PTPRD: variants seen among roughly 807,000 people sequenced by gnomAD.
PTPRD encodes the protein protein tyrosine phosphatase receptor type D, also known as receptor-type tyrosine-protein phosphatase delta.
In PTPRD, 34 loss-of-function variants were observed where a neutral mutation model predicts 214.5. The ratio of observed to expected loss-of-function variants is 0.16; its 90% CI spans 0.12 to 0.21. The LOEUF is 0.21. Among genes scored for constraint, PTPRD ranks in the 10% least tolerant of loss-of-function variants. The probability of loss-of-function intolerance (pLI) is 1.00; values close to 1 mark genes in which losing one functional copy is unlikely to be tolerated. For synonymous variants in PTPRD, 1,128 were observed against 845.7 expected, an observed-to-expected ratio of 1.33 and a Z score of -5.79; for missense variants, 2,545 against 2,398.7, an observed-to-expected ratio of 1.06 and a Z score of -1.27.
intron 2 of PTPRD, among the ~76,000 whole-genome samples, chr9:10,550,410 G>A (rs1367650489): frequency 6.6e-6 from 1 of 152,112 alleles, no homozygotes; most frequent in Non-Finnish European, 1.5e-5. Context: ...AGTTAGTCTA[G>A]GATTTAATTC....
At chr9:9,696,731 T>C (rs1458228446) in intron 7 of PTPRD, among the ~76,000 whole-genome samples, 2 of 152,164 alleles carry the variant, frequency 1.3e-5, no homozygotes, top group African/African-American at 2.4e-5. Flanking sequence ...CAGCATATAG[T>C]TGTGCCTTGT....
At position 8,881,515 on chromosome 9, in the gene PTPRD, G is replaced by T. The variant is rs370911009; in HGVS notation, c.-104+137182C>A. On this transcript the variant is annotated intron_variant, in intron 11 of 45. Coordinates refer to ENST00000381196, the MANE Select transcript of PTPRD (RefSeq NM_002839.4). ...GTTAGTTCTTTCTGTAATGGAAGGGGTTTACTATACATCACAATGTACTGA... is the reference window on the plus strand; with the variant it reads ...GTTAGTTCTTTCTGTAATGGAAGGGTTTTACTATACATCACAATGTACTGA... Among the ~76,000 whole-genome samples the T allele has an allele frequency of 1.2e-4, 19 of 152,218 alleles. No individual in the cohort carries two copies. The East Asian group carries it at 3.3e-3, about 26-fold the overall frequency.
At chr9:9,316,278 A>G (rs1162114322) in intron 9 of PTPRD, among the ~76,000 whole-genome samples, 3 of 151,836 alleles carry the variant, frequency 2.0e-5, no homozygotes, top group Admixed American at 6.6e-5. Flanking sequence ...CACTGTTTCT[A>G]CCACAGAGAA....
intron 14 of PTPRD, among the ~76,000 whole-genome samples, chr9:8,621,296 T>C (rs1438919115): frequency 6.6e-6 from 1 of 152,016 alleles, no homozygotes; most frequent in African/African-American, 2.4e-5. Flanking sequence ...TCCCTGAGCT[T>C]AATCAATGCT....
intron 11 of PTPRD, among the ~76,000 whole-genome samples, chr9:8,868,423 C>T (rs891927752): frequency 1.3e-5 from 2 of 152,006 alleles, no homozygotes; most frequent in Non-Finnish European, 2.9e-5. Context: ...AGGCTGGTCT[C>T]GAAATCCTGG....
At chr9:8,407,107 C>T (rs375918527) in intron 35 of PTPRD, among the ~76,000 whole-genome samples, 203 of 152,280 alleles carry the variant, frequency 1.3e-3, no homozygotes, top group Middle Eastern at 3.4e-3. Context: ...TACTTGATAC[C>T]TACATTGAAG....
At chr9:10,446,451 C>T (rs1311665232) in intron 2 of PTPRD, among the ~76,000 whole-genome samples, 2 of 114,588 alleles carry the variant, frequency 1.7e-5, no homozygotes, top group East Asian at 5.2e-4. Flanking sequence ...GCTATGACAA[C>T]CATTGCACAG....
chr9:10,466,748 G>C (rs1441513784), intron 2 of PTPRD, among the ~76,000 whole-genome samples: 2 of 150,596 alleles, frequency 1.3e-5, no homozygotes, highest in Non-Finnish European at 2.9e-5. Context: ...TTCACATAAA[G>C]TTTAAAAAAT....
intron 11 of PTPRD, among the ~76,000 whole-genome samples, chr9:8,854,084 T>C (rs983096211): frequency 6.6e-6 from 1 of 152,188 alleles, no homozygotes; most frequent in African/African-American, 2.4e-5. Flanking sequence ...AAATCCTGTA[T>C]ATTTCGTGAC....
At chr9:8,839,298 GATTTTATTT>G (rs1323224419) in intron 11 of PTPRD, among the ~76,000 whole-genome samples, 1 of 136,456 alleles carries the variant, frequency 7.3e-6, no homozygotes, top group Admixed American at 7.6e-5. Context: ...TGACCAAGGG[GATTTTATTT>G]ATTTATTTAT....
intron 12 of PTPRD, among the ~76,000 whole-genome samples, chr9:8,710,972 G>T (rs1266190030): frequency 6.6e-6 from 1 of 151,916 alleles, no homozygotes; most frequent in African/African-American, 2.4e-5. Context: ...ACTAAGTTTG[G>T]GAAATTAATT....
chr9:9,487,238 G>T (rs1014434228), intron 8 of PTPRD, among the ~76,000 whole-genome samples: 2 of 151,068 alleles, frequency 1.3e-5, no homozygotes, highest in Non-Finnish European at 2.9e-5. Flanking sequence ...AGTCCCCGGT[G>T]TGTGATGTTC....
chr9:8,492,827 C>T, intron 27 of PTPRD, 35 bp downstream of exon 27: 1 of 1,491,034 alleles, frequency 6.7e-7, no homozygotes. Flanking sequence ...GTTAGTATTA[C>T]TGTTCAAGGC....
chr9:8,997,761 G>A (rs1182167120), intron 11 of PTPRD, among the ~76,000 whole-genome samples: 1 of 152,038 alleles, frequency 6.6e-6, no homozygotes, highest in Non-Finnish European at 1.5e-5. Context: ...TGAAATCTAG[G>A]CCTCTTGTGC....
At chr9:8,816,018 T>G (rs1386843483) in intron 11 of PTPRD, among the ~76,000 whole-genome samples, 1 of 152,168 alleles carries the variant, frequency 6.6e-6, no homozygotes, top group Non-Finnish European at 1.5e-5. Flanking sequence ...AAAGGAAATC[T>G]CAAATGTAAG....
chr9:10,098,929 T>G (rs1422949338), intron 3 of PTPRD, among the ~76,000 whole-genome samples: 10 of 151,618 alleles, frequency 6.6e-5, no homozygotes. Flanking sequence ...AGGTTAAAAA[T>G]TGGAGCAAGA....
intron 2 of PTPRD, among the ~76,000 whole-genome samples, chr9:10,552,807 C>T (rs1381528390): frequency 6.6e-6 from 1 of 152,128 alleles, no homozygotes; most frequent in Non-Finnish European, 1.5e-5. Flanking sequence ...ACAGGATCTT[C>T]ACATGGCAAC....
intron 11 of PTPRD, among the ~76,000 whole-genome samples, chr9:8,777,779 G>T (rs9299072): frequency 0.22 from 34,149 of 152,056 alleles, 4,292 homozygotes; most frequent in African/African-American, 0.34. Context: ...TATATTCATT[G>T]TACCAAAGAT....
intron 11 of PTPRD, among the ~76,000 whole-genome samples, chr9:8,940,091 G>C (rs2154293448): frequency 6.7e-6 from 1 of 150,152 alleles, no homozygotes; most frequent in Admixed American, 6.6e-5. Context: ...AGACTTACAT[G>C]CTTGTGAAGG....
Sources: allele counts gnomAD v4.1 joint callset (sites outside exome capture counted in the v4.1 genomes callset), GRCh38; gene constraint gnomAD v4.1.1; transcripts MANE v1.5; gene names NCBI Gene and HGNC (gene_info 2026-07-23, HGNC 2026-07-21).